Variants in NELL2 observed in about 807,000 individuals in gnomAD.
The protein encoded by NELL2 is protein kinase C-binding protein NELL2.
A neutral mutation model predicts 109.6 loss-of-function variants in NELL2; 41 were observed. The observed-to-expected ratio is 0.37, with a 90% CI of 0.29 to 0.49. The LOEUF (loss-of-function observed/expected upper bound fraction) is 0.49. Among genes scored for constraint, NELL2 ranks in the 20% least tolerant of loss-of-function variants. The pLI, the probability that NELL2 is intolerant of heterozygous loss-of-function variation, is 0.98. For synonymous variants in NELL2, 355 were observed against 344.7 expected (o/e 1.03, Z -0.33); for missense variants, 900 against 1,008.3 (o/e 0.89, Z 1.45).
chr12:44,604,885 G>A (rs1945340671), intron 15 of NELL2, among the ~76,000 whole-genome samples: 1 of 152,124 alleles, frequency 6.6e-6, no homozygotes, highest in African/African-American at 2.4e-5. Context: ...CTGTAGCACT[G>A]ACCAGAATAG....
rs569283541 is a variant in NELL2, at chr12:44,661,915, C to A, written c.1444+3569G>T. The stretch of plus-strand genomic sequence containing the variant: ...TCCCTCTCTCTGTTCTCCCTTCCCC[C>A]TTCCTTTCCTTTATCTTTTCTCCCT... On this transcript the variant is annotated intron_variant, in intron 13 of 19. Transcript: ENST00000429094. Among the ~76,000 whole-genome samples, 41 of 151,986 alleles carry A rather than the reference C, an allele frequency of 2.7e-4. 2 individuals carry two copies. In the South Asian group the frequency reaches 8.1e-3, roughly 30 times the overall value.
At chr12:44,809,890 G>C (rs1180713029) in intron 3 of NELL2, among the ~76,000 whole-genome samples, 1 of 151,984 alleles carries the variant, frequency 6.6e-6, no homozygotes, top group African/African-American at 2.4e-5. Flanking sequence ...TGTGTGATTA[G>C]ATATCCAGCA....
chr12:44,744,455 C>A (rs200115108), intron 9 of NELL2, among the ~76,000 whole-genome samples: 1 of 152,064 alleles, frequency 6.6e-6, no homozygotes, highest in Non-Finnish European at 1.5e-5. Context: ...AATATCAGAG[C>A]AGAACTGAAG....
At chr12:44,572,561 T>TTTTAACATATTTTAACATATTTTAA (rs1374407920) in intron 15 of NELL2, among the ~76,000 whole-genome samples, 1 of 152,256 alleles carries the variant, frequency 6.6e-6, no homozygotes, top group Non-Finnish European at 1.5e-5. Context: ...GCTTTCATAT[T>TTTTAACATATTTTAACATATTTTAA]CACTCATTTT....
chr12:44,632,977 G>GA (rs1055746064), intron 13 of NELL2, among the ~76,000 whole-genome samples: 4 of 151,018 alleles, frequency 2.6e-5, no homozygotes, highest in East Asian at 1.9e-4. Context: ...ATCATGTATG[G>GA]AAAAAAAACC....
intron 19 of NELL2, among the ~76,000 whole-genome samples, chr12:44,510,436 T>A (rs754750061): frequency 6.6e-6 from 1 of 152,222 alleles, no homozygotes; most frequent in African/African-American, 2.4e-5. Context: ...ATTATATAGT[T>A]TCTCTCAGAA....
rs763877193 is a variant in NELL2 at position 44,520,055 on chromosome 12, C to T, written c.2350G>A (p.Gly784Arg). 32 of 1,613,970 alleles carry T rather than the reference C, an allele frequency of 2.0e-5. No individual in the cohort carries two copies. The highest frequency in any genetic ancestry group is 1.6e-4 in the Middle Eastern group (1 of 6,080). The change falls in exon 19 of 20, where the codon GGG becomes AGG. Residue 784 changes from glycine (G) to arginine (R), a missense_variant. Physicochemically the swap from Gly to Arg is moderately radical, Grantham distance 125. This residue lies in a region of NELL2 where 333 missense variants were observed against 432.3 expected (regional missense o/e 0.77). Coordinates refer to ENST00000429094, the MANE Select transcript of NELL2 (RefSeq NM_001145108.2). ...LDEMNVVRFTGSSWIKHGTEC... is the reference protein window; with the variant it reads ...LDEMNVVRFTRSSWIKHGTEC... ...GTGCCATGTTTGATCCAAGAGGACC[C>T]GGTGAAGCGAACCACATTCATTTCG...
chr12:44,687,637 C>T (rs1948770512), intron 12 of NELL2, among the ~76,000 whole-genome samples: 3 of 152,174 alleles, frequency 2.0e-5, no homozygotes, highest in Non-Finnish European at 4.4e-5. Context: ...AGTTATGTTT[C>T]ACTCCAAGCA....
intron 9 of NELL2, among the ~76,000 whole-genome samples, chr12:44,753,588 C>T (rs1478763665): frequency 6.6e-6 from 1 of 152,130 alleles, no homozygotes; most frequent in Non-Finnish European, 1.5e-5. Flanking sequence ...TAGGACTTGG[C>T]TGTGTTGACC....
chr12:44,847,604 C>A (rs1944409160), intron 2 of NELL2, among the ~76,000 whole-genome samples: 1 of 147,410 alleles, frequency 6.8e-6, no homozygotes, highest in African/African-American at 2.5e-5. Flanking sequence ...TCCACAATGA[C>A]ACCAAGGGAG....
At chr12:44,858,736 C>G (rs546490112) in intron 2 of NELL2, among the ~76,000 whole-genome samples, 23 of 152,124 alleles carry the variant, frequency 1.5e-4, no homozygotes, top group Non-Finnish European at 2.8e-4. Flanking sequence ...AAACTGAAAT[C>G]TAGCAAAAGA....
intron 2 of NELL2, among the ~76,000 whole-genome samples, chr12:44,867,193 G>A (rs1372748651): frequency 6.6e-6 from 1 of 152,022 alleles, no homozygotes; most frequent in Admixed American, 6.5e-5. Context: ...AAAATTACAG[G>A]CCAATATTGC....
intron 15 of NELL2, among the ~76,000 whole-genome samples, chr12:44,577,818 A>G (rs896839291): frequency 6.6e-6 from 1 of 152,128 alleles, no homozygotes; most frequent in African/African-American, 2.4e-5. Flanking sequence ...CGGAACTAGC[A>G]GACCTTGATC....
chr12:44,549,917 A>G (rs907937300), intron 15 of NELL2, among the ~76,000 whole-genome samples: 12 of 152,190 alleles, frequency 7.9e-5, no homozygotes, highest in Non-Finnish European at 1.5e-4. Context: ...TAGAACCACA[A>G]AAGACCCGGG....
intron 15 of NELL2, among the ~76,000 whole-genome samples, chr12:44,598,372 C>T (rs1328042642): frequency 4.0e-5 from 6 of 151,654 alleles, no homozygotes; most frequent in African/African-American, 7.3e-5. Context: ...AATTTAGGAA[C>T]GGAAAAAAAC....
chr12:44,876,748 G>A (rs774986329), upstream of NELL2: 9 of 1,511,104 alleles, frequency 6.0e-6, no homozygotes, highest in South Asian at 3.7e-5. Flanking sequence ...ACTGGGCTCC[G>A]GAGCAGCCCC....
intron 15 of NELL2, among the ~76,000 whole-genome samples, chr12:44,587,579 GA>G (rs1342998304): frequency 2.6e-5 from 4 of 151,862 alleles, no homozygotes; most frequent in Non-Finnish European, 5.9e-5. Context: ...TCACAGAATC[GA>G]AAAGAACTTC....
intron 15 of NELL2, among the ~76,000 whole-genome samples, chr12:44,595,239 CAA>C (rs2136230655): frequency 6.6e-6 from 1 of 152,092 alleles, no homozygotes; most frequent in Non-Finnish European, 1.5e-5. Flanking sequence ...ATTAAAAGGA[CAA>C]AGTCAAGGTT....
intron 13 of NELL2, among the ~76,000 whole-genome samples, chr12:44,646,783 TC>T (rs1287501656): frequency 9.2e-5 from 14 of 152,188 alleles, no homozygotes; most frequent in African/African-American, 3.4e-4. Flanking sequence ...TACAAATCAC[TC>T]TTAGGCAATG....
Sources: gnomAD v4.1 joint callset for allele counts (sites outside exome capture counted in the v4.1 genomes callset) on GRCh38, gnomAD v4.1.1 for gene constraint, gnomAD v4.1.1 regional missense constraint, MANE v1.5 for transcripts, NCBI Gene and HGNC (gene_info 2026-07-23, HGNC 2026-07-21) for gene names.